CUX1: variants seen among roughly 807,000 people sequenced by gnomAD.
CUX1 encodes protein CASP.
A neutral mutation model predicts 158.8 loss-of-function variants in CUX1; 31 were observed. The observed-to-expected ratio is 0.20, with a 90% CI of 0.15 to 0.26. The LOEUF (loss-of-function observed/expected upper bound fraction) is 0.26. Ranked by LOEUF, CUX1 falls within the 10% of genes least tolerant of loss-of-function variation. The pLI is 1.00. For synonymous variants in CUX1, 879 were observed against 862.1 expected, an observed-to-expected ratio of 1.02 and a Z score of -0.34; for missense variants, 1,589 against 2,014.6, an observed-to-expected ratio of 0.79 and a Z score of 4.04.
chr7:102,245,258 T>C (rs1014315373), intron 23 of CUX1, among the ~76,000 whole-genome samples: 4 of 152,176 alleles, frequency 2.6e-5, no homozygotes, highest in Non-Finnish European at 4.4e-5. Context: ...TTGCCCAGGC[T>C]GGTCTCTAAC....
At chr7:102,005,521 G>T (rs1017747965) in intron 2 of CUX1, among the ~76,000 whole-genome samples, 3 of 152,118 alleles carry the variant, frequency 2.0e-5, no homozygotes, top group Non-Finnish European at 4.4e-5. Flanking sequence ...TTTTTGCAGA[G>T]ACGATAGTCT....
chr7:101,913,503 A>T (rs1038945264), intron 1 of CUX1: 16 of 969,184 alleles, frequency 1.7e-5, no homozygotes, highest in Non-Finnish European at 2.2e-5. Flanking sequence ...GCTCTCTGAC[A>T]GATCAGCCCA....
chr7:102,245,607 C>T (rs1800725220), intron 23 of CUX1, among the ~76,000 whole-genome samples: 1 of 152,118 alleles, frequency 6.6e-6, no homozygotes, highest in Non-Finnish European at 1.5e-5. Flanking sequence ...CATTTAATAC[C>T]TTATTTAATC....
intron 2 of CUX1, among the ~76,000 whole-genome samples, chr7:101,952,594 C>T (rs1459768133): frequency 6.6e-6 from 1 of 152,136 alleles, no homozygotes; most frequent in Non-Finnish European, 1.5e-5. Context: ...GGCCAGTGTC[C>T]CTCCCTCATC....
rs1360636170 is a variant in CUX1 at position 102,097,393 on chromosome 7, C to G, written c.298C>G (p.Gln100Glu). The change falls in exon 5 of 24, where the codon CAA becomes GAA. Residue 100 changes from glutamine to glutamate, a missense_variant. Physicochemically the swap from Gln to Glu is conservative, Grantham distance 29. Transcript: ENST00000292535. ...DPVPALDLGQ[Q>E]LQLKVQRLHD... The stretch of plus-strand genomic sequence containing the variant: ...CGTACCAGCTTTGGATCTCGGACAG[C>G]AACTCCAGCTCAAAGTGCAGCGCCT... The G allele has an allele frequency of 1.9e-6, 3 of 1,611,182 alleles. No homozygotes were observed. In the African/African-American group the frequency reaches 4.0e-5, roughly 22 times the overall value.
In CUX1 at chr7:102,257,623, C is replaced by T; in HGVS notation, c.*8581C>T. 1.0e-6 allele frequency: 1 copy of T among 985,394 alleles called. No individual in the cohort carries two copies. 61.0% of individuals were successfully genotyped at this position (985,394 alleles called of 1,614,324 possible). ...CTTGCCTTGAGAGCGGGTAGCACCA[C>T]GCTCCTGTCCAGACTACTAACAGCA... On this transcript the variant is annotated 3_prime_UTR_variant, in exon 24 of 24. Transcript: ENST00000292535.
At chr7:102,163,259 G>A (rs1790651948) in intron 9 of CUX1, among the ~76,000 whole-genome samples, 1 of 151,910 alleles carries the variant, frequency 6.6e-6, no homozygotes, top group East Asian at 1.9e-4. Context: ...GCCGAGGCAG[G>A]AGCATCACTT....
chr7:101,941,073 G>A (rs1354489471), intron 2 of CUX1, among the ~76,000 whole-genome samples: 1 of 152,214 alleles, frequency 6.6e-6, no homozygotes, highest in Non-Finnish European at 1.5e-5. Context: ...TGAGGCAGGT[G>A]GCTCTTTTAA....
In CUX1 at chr7:101,898,108, G is replaced by A. The variant is rs543718373; in HGVS notation, c.31-18007G>A. 2.6e-5 allele frequency among the ~76,000 whole-genome samples: 4 copies of A among 152,104 alleles called. No homozygotes were observed. In the South Asian group the frequency reaches 8.3e-4, roughly 32 times the overall value. Reference sequence around the variant, plus strand: ...TGTACTTGGAGTGGGGAATGGTTGGGGGGGACCCATTCCCCTGCTTTAAAC... The same window carrying A: ...TGTACTTGGAGTGGGGAATGGTTGGAGGGGACCCATTCCCCTGCTTTAAAC... On this transcript the variant is annotated intron_variant, in intron 1 of 23. Coordinates refer to ENST00000292535, the MANE Select transcript of CUX1 (RefSeq NM_181552.4).
chr7:102,167,809 GTGGC>G (rs1791218484), intron 9 of CUX1, among the ~76,000 whole-genome samples: 1 of 152,184 alleles, frequency 6.6e-6, no homozygotes, highest in Non-Finnish European at 1.5e-5. Flanking sequence ...GTCGGATGCA[GTGGC>G]TCACACCTGT....
At chr7:102,097,218 G>T in intron 4 of CUX1, 146 bp from the exon 5 acceptor site, 1 of 939,312 alleles carries the variant, frequency 1.1e-6, no homozygotes, top group Admixed American at 3.1e-5. Flanking sequence ...CACCCAGCAA[G>T]GGGGCTGGCT....
chr7:102,097,962 G>A lies in CUX1; in HGVS notation c.406+461G>A, dbSNP rs1335517237. 3.9e-5 allele frequency among the ~76,000 whole-genome samples: 6 copies of A among 152,150 alleles called. No individual in the cohort carries two copies. In the East Asian group the frequency reaches 7.7e-4, roughly 20 times the overall value. On this transcript the variant is annotated intron_variant, in intron 5 of 23. Coordinates refer to ENST00000292535, the MANE Select transcript of CUX1 (RefSeq NM_181552.4). ...GCCCCGCTGTTGCCTTGTCAGTATC[G>A]CCTATTCATTAGGAATTTAATGAAA... is the stretch of plus-strand genomic sequence containing the variant.
chr7:102,086,101 T>C (rs1554480385), intron 4 of CUX1, among the ~76,000 whole-genome samples: 1 of 152,178 alleles, frequency 6.6e-6, no homozygotes, highest in Non-Finnish European at 1.5e-5. Context: ...GTAGGATGTG[T>C]AGTGATGTCC....
At chr7:102,135,459 G>A (rs1166581862) in intron 8 of CUX1, among the ~76,000 whole-genome samples, 1 of 151,928 alleles carries the variant, frequency 6.6e-6, no homozygotes, top group African/African-American at 2.4e-5. Flanking sequence ...CGTGGAGGAG[G>A]TGGGAGGGGG....
intron 3 of CUX1, among the ~76,000 whole-genome samples, chr7:102,037,951 A>C (rs1179692414): frequency 6.6e-6 from 1 of 151,644 alleles, no homozygotes; most frequent in Non-Finnish European, 1.5e-5. Context: ...GCTACTCGGG[A>C]GACTGAGGCA....
chr7:101,868,077 C>G (rs1210170686), intron 1 of CUX1, among the ~76,000 whole-genome samples: 1 of 152,188 alleles, frequency 6.6e-6, no homozygotes. Context: ...AAACTCCCGG[C>G]CTCAAGCGAT....
At chr7:102,267,961 C>G (rs369168660) in intron 14 of CUX1, among the ~76,000 whole-genome samples, 2 of 152,262 alleles carry the variant, frequency 1.3e-5, no homozygotes, top group South Asian at 4.1e-4. Context: ...GCCACTGCAC[C>G]GGGCCCTCCT....
chr7:102,191,822 C>G (rs1199225329), intron 12 of CUX1, among the ~76,000 whole-genome samples: 2 of 151,806 alleles, frequency 1.3e-5, no homozygotes, highest in Admixed American at 6.6e-5. Context: ...TCTCCCCCAA[C>G]CCCCACGTTC....
intron 2 of CUX1, among the ~76,000 whole-genome samples, chr7:101,923,432 C>T (rs1385630396): frequency 6.6e-6 from 1 of 152,166 alleles, no homozygotes; most frequent in South Asian, 2.1e-4. Context: ...TATCATGAAA[C>T]CATCCCCAGC....
Sources: allele counts gnomAD v4.1 joint callset (sites outside exome capture counted in the v4.1 genomes callset), GRCh38; gene constraint gnomAD v4.1.1; transcripts MANE v1.5; gene names NCBI Gene and HGNC (gene_info 2026-07-23, HGNC 2026-07-21).